Variants in DOCK3 observed in about 807,000 individuals in gnomAD.
The protein encoded by DOCK3 is dedicator of cytokinesis 3.
Under a neutral mutation model 265.6 loss-of-function variants are expected in DOCK3, and 60 were observed. The observed-to-expected ratio is 0.23, with a 90% CI of 0.18 to 0.28. The LOEUF (loss-of-function observed/expected upper bound fraction) is 0.28, where lower values mean the gene tolerates loss of function less well. DOCK3 is among the 10% of genes least tolerant of loss of function. The pLI is 1.00. For synonymous variants in DOCK3, 881 were observed against 938.0 expected, an observed-to-expected ratio of 0.94 and a Z score of 1.11; for missense variants, 1,981 against 2,594.3, an observed-to-expected ratio of 0.76 and a Z score of 5.14.
intron 5 of DOCK3, among the ~76,000 whole-genome samples, chr3:50,970,930 T>TATAC: frequency 1.4e-5 from 1 of 72,994 alleles, no homozygotes; most frequent in East Asian, 4.5e-4. Context: ...TATATATATA[T>TATAC]ATATATATAT....
intron 5 of DOCK3, among the ~76,000 whole-genome samples, chr3:50,963,393 A>C (rs1263425618): frequency 6.6e-6 from 1 of 152,184 alleles, no homozygotes; most frequent in Non-Finnish European, 1.5e-5. Context: ...TTCTTGTGGT[A>C]GCCATTATAT....
chr3:51,320,874 G>C (rs2083676462), intron 32 of DOCK3, among the ~76,000 whole-genome samples: 2 of 152,226 alleles, frequency 1.3e-5, no homozygotes, highest in Admixed American at 6.5e-5. Flanking sequence ...AGAGCACCTG[G>C]GGGAAGGGGC....
In DOCK3 at chr3:51,319,573, A is replaced by C. The variant is rs1444277083; in HGVS notation, c.3402+4445A>C. On this transcript the variant is annotated intron_variant, in intron 32 of 52. Coordinates refer to ENST00000266037, the MANE Select transcript of DOCK3 (RefSeq NM_004947.5). ...ATTTATTTATTGTAGAAAAATGTAAAATGCAATAGTGGGCCAGGTGTGGTG... is the reference window on the plus strand; with the variant it reads ...ATTTATTTATTGTAGAAAAATGTAACATGCAATAGTGGGCCAGGTGTGGTG... Among the ~76,000 whole-genome samples the C allele has an allele frequency of 2.0e-5, 3 of 152,146 alleles. No homozygotes were observed. In the East Asian group the frequency reaches 5.8e-4, roughly 29 times the overall value.
At chr3:50,912,860 C>T (rs2049932477) in intron 4 of DOCK3, among the ~76,000 whole-genome samples, 1 of 152,106 alleles carries the variant, frequency 6.6e-6, no homozygotes, top group Non-Finnish European at 1.5e-5. Flanking sequence ...GGCCTCCTCT[C>T]TGACCCAGGA....
In DOCK3 at chr3:51,214,170, G is replaced by A. The variant is rs199600118; in HGVS notation, c.1175G>A (p.Arg392Gln). The A allele has an allele frequency of 9.8e-4, 1,578 of 1,613,602 alleles. 7 individuals are homozygous for A. The highest frequency in any genetic ancestry group is 1.2e-3 in the Non-Finnish European group (1,408 of 1,179,814). ...CTTCGTGGAGACATGGAACAGATTC[G>A]GAGAGAAAATCCCATGATATTTAAT... ...QLLRGDMEQI[R>Q]RENPMIFNRG... Residue 392 changes from arginine (R) to glutamine (Q), a missense_variant, in exon 14 of 53, where the codon CGG (arginine) becomes CAG (glutamine). Physicochemically the swap from Arg to Gln is conservative, Grantham distance 43 (BLOSUM62 1). Transcript: ENST00000266037.
chr3:50,963,041 C>T (rs138829711), intron 5 of DOCK3, among the ~76,000 whole-genome samples: 74 of 152,128 alleles, frequency 4.9e-4, no homozygotes, highest in Non-Finnish European at 6.2e-4. Context: ...AAAAATTAGC[C>T]GGGTGTGGTG....
intron 27 of DOCK3, among the ~76,000 whole-genome samples, chr3:51,295,173 AG>A (rs1435048330): frequency 7.2e-5 from 11 of 152,210 alleles, no homozygotes; most frequent in Non-Finnish European, 1.5e-4. Flanking sequence ...ATAAAGAAAA[AG>A]GGTTTATTTG....
At chr3:50,763,299 G>C (rs1305690982) in intron 1 of DOCK3, among the ~76,000 whole-genome samples, 1 of 151,916 alleles carries the variant, frequency 6.6e-6, no homozygotes, top group Non-Finnish European at 1.5e-5. Context: ...TTTTATTTTT[G>C]AGATGGAGTC....
intron 2 of DOCK3, among the ~76,000 whole-genome samples, chr3:50,837,256 C>T (rs193087791): frequency 6.6e-6 from 1 of 152,268 alleles, no homozygotes; most frequent in East Asian, 1.9e-4. Flanking sequence ...CTCTGCAGTA[C>T]CAATTTAGTG....
intron 4 of DOCK3, among the ~76,000 whole-genome samples, chr3:50,900,028 A>T (rs2049099932): frequency 6.6e-6 from 1 of 152,078 alleles, no homozygotes; most frequent in African/African-American, 2.4e-5. Flanking sequence ...CTGTCTTGCT[A>T]GGTTGGGGAA....
intron 4 of DOCK3, among the ~76,000 whole-genome samples, chr3:50,932,060 C>G (rs1349107972): frequency 6.6e-6 from 1 of 152,162 alleles, no homozygotes; most frequent in Non-Finnish European, 1.5e-5. Context: ...TAGAAAGCAC[C>G]TCTTCTGCCA....
intron 5 of DOCK3, among the ~76,000 whole-genome samples, chr3:51,012,010 C>A (rs538679359): frequency 1.8e-4 from 27 of 152,228 alleles, no homozygotes; most frequent in African/African-American, 5.8e-4. Flanking sequence ...GGTAGAAGGC[C>A]GTGTGAGCTG....
chr3:50,787,890 C>A, intron 2 of DOCK3: 1 of 1,063,616 alleles, frequency 9.4e-7, no homozygotes, highest in South Asian at 1.3e-5. Flanking sequence ...CCTTTAGGTA[C>A]ATTTAATGTT....
chr3:51,205,279 C>G (rs1040984465), intron 12 of DOCK3, among the ~76,000 whole-genome samples: 2 of 151,882 alleles, frequency 1.3e-5, no homozygotes, highest in Non-Finnish European at 2.9e-5. Flanking sequence ...CCTAAATATG[C>G]CTTTAATAAC....
chr3:50,822,035 C>G (rs1412263324), intron 2 of DOCK3, among the ~76,000 whole-genome samples: 1 of 151,992 alleles, frequency 6.6e-6, no homozygotes, highest in Non-Finnish European at 1.5e-5. Context: ...TTTTTAAATT[C>G]TATGAACAAT....
chr3:50,937,169 T>C (rs2051412418), intron 5 of DOCK3, among the ~76,000 whole-genome samples: 2 of 149,700 alleles, frequency 1.3e-5, no homozygotes, highest in South Asian at 4.2e-4. Context: ...CCCAGCTACA[T>C]GGGAGGCTGA....
chr3:51,239,199 T>TTTTATTTATTTATTTATTTATTTA (rs4028194), intron 21 of DOCK3, among the ~76,000 whole-genome samples: 34 of 146,716 alleles, frequency 2.3e-4, no homozygotes, highest in South Asian at 6.6e-4. Context: ...AAAGCGTACT[T>TTTTATTTATTTATTTATTTATTTA]TTTATTTATT....
intron 4 of DOCK3, among the ~76,000 whole-genome samples, chr3:50,927,201 C>G (rs1353536108): frequency 6.6e-6 from 1 of 152,100 alleles, no homozygotes; most frequent in Non-Finnish European, 1.5e-5. Context: ...GTGAAACATA[C>G]CTTGACTACA....
intron 1 of DOCK3, among the ~76,000 whole-genome samples, chr3:50,704,801 G>C (rs2036283922): frequency 6.6e-6 from 1 of 151,732 alleles, no homozygotes; most frequent in African/African-American, 2.4e-5. Flanking sequence ...AATTTTTTTT[G>C]TATTTTTAGT....
Sources: gnomAD v4.1 joint callset for allele counts (sites outside exome capture counted in the v4.1 genomes callset) on GRCh38, gnomAD v4.1.1 for gene constraint, MANE v1.5 for transcripts, NCBI Gene and HGNC (gene_info 2026-07-23, HGNC 2026-07-21) for gene names.